NOX4: variants seen among roughly 807,000 people sequenced by gnomAD.
NOX4 encodes the protein NADPH oxidase 4.
NOX4 carries 69 observed loss-of-function variants against 87.6 expected under a neutral mutation model. That is an observed-to-expected ratio of 0.79 (90% CI 0.65 to 0.96). NOX4 has a LOEUF of 0.96. Among genes scored for constraint, NOX4 ranks in the 40% least tolerant of loss-of-function variants. The pLI is 0.00. For missense variants in NOX4, 680 were observed against 681.5 expected (o/e 1.00, Z 0.02); for synonymous variants, 275 against 238.2 (o/e 1.15, Z -1.42).
intron 12 of NOX4, among the ~76,000 whole-genome samples, chr11:89,369,650 G>C (rs1939287944): frequency 6.6e-6 from 1 of 152,014 alleles, no homozygotes; most frequent in Non-Finnish European, 1.5e-5. Flanking sequence ...AGTTGATAAT[G>C]AATATTTGTT....
the NOX4 span, among the ~76,000 whole-genome samples, chr11:89,544,763 A>G: frequency 2.0e-5 from 3 of 151,866 alleles, no homozygotes; most frequent in African/African-American, 7.3e-5. Flanking sequence ...TATGTCATAC[A>G]GCAAAAAAAA....
At chr11:89,578,883 C>T in the NOX4 span, among the ~76,000 whole-genome samples, 1 of 152,074 alleles carries the variant, frequency 6.6e-6, no homozygotes, top group African/African-American at 2.4e-5. Flanking sequence ...TTCCTGATTG[C>T]CAAGACTTAG....
chr11:89,331,690 G>C (rs1945478940), intron 17 of NOX4, among the ~76,000 whole-genome samples: 1 of 151,302 alleles, frequency 6.6e-6, no homozygotes, highest in Non-Finnish European at 1.5e-5. Context: ...TTTCCTAAAG[G>C]CCCTTGTTAA....
chr11:89,547,775 T>C, the NOX4 span, among the ~76,000 whole-genome samples: 1 of 152,120 alleles, frequency 6.6e-6, no homozygotes, highest in African/African-American at 2.4e-5. Flanking sequence ...ATAGGTATTG[T>C]TTAAAGCTTT....
chr11:89,424,391 G>A (rs1310960852), intron 7 of NOX4, among the ~76,000 whole-genome samples: 1 of 150,126 alleles, frequency 6.7e-6, no homozygotes, highest in Admixed American at 6.6e-5. Context: ...TCCAGAAAAA[G>A]TAGATATATC....
At chr11:89,409,827 G>T (rs2135220449) in intron 8 of NOX4, among the ~76,000 whole-genome samples, 1 of 152,154 alleles carries the variant, frequency 6.6e-6, no homozygotes, top group South Asian at 2.1e-4. Context: ...TGGAGGAGAA[G>T]AATTTGGATT....
intron 11 of NOX4, among the ~76,000 whole-genome samples, chr11:89,390,032 A>G (rs1443885652): frequency 6.6e-6 from 1 of 152,178 alleles, no homozygotes; most frequent in Non-Finnish European, 1.5e-5. Context: ...CTCACTGTTT[A>G]GTGGGAATCA....
chr11:89,455,485 C>G (rs1945151261), intron 2 of NOX4, among the ~76,000 whole-genome samples: 2 of 152,036 alleles, frequency 1.3e-5, no homozygotes, highest in Non-Finnish European at 2.9e-5. Flanking sequence ...TGGTAGTTTT[C>G]AGTAAATCTT....
At chr11:89,384,941 G>A (rs990001768) in intron 11 of NOX4, among the ~76,000 whole-genome samples, 5 of 151,860 alleles carry the variant, frequency 3.3e-5, no homozygotes, top group South Asian at 2.1e-4. Flanking sequence ...TCTTCCTCAC[G>A]CTGATCACAC....
chr11:89,335,089 A>C (rs1336878241), intron 17 of NOX4, among the ~76,000 whole-genome samples: 1 of 151,804 alleles, frequency 6.6e-6, no homozygotes, highest in Non-Finnish European at 1.5e-5. Context: ...TAGAAATCAC[A>C]TCTTTTACAA....
In NOX4 at chr11:89,336,011, T is replaced by A. The variant is rs1039960365; in HGVS notation, c.1516-66A>T. The A allele has an allele frequency of 3.0e-6, 3 of 992,574 alleles. No individual in the cohort carries two copies. The African/African-American group carries it at 5.0e-5, about 17-fold the overall frequency. The allele number at this position is 992,574 out of a possible 1,614,324, so 61.5% of individuals were successfully genotyped here. ...AGTAAACCAGTTCTCTAACATCATTTCTGCTGGTGCTGCGGCTTCCCACCA... is the reference window on the plus strand; with the variant it reads ...AGTAAACCAGTTCTCTAACATCATTACTGCTGGTGCTGCGGCTTCCCACCA... On this transcript the variant is annotated intron_variant, in intron 16 of 17. Transcript: ENST00000263317.
At chr11:89,383,482 G>A (rs547362938) in intron 11 of NOX4, among the ~76,000 whole-genome samples, 1 of 152,296 alleles carries the variant, frequency 6.6e-6, no homozygotes, top group South Asian at 2.1e-4. Flanking sequence ...CGCCTCTGAA[G>A]CCTCCTGGAC....
chr11:89,574,148 G>T, the NOX4 span, among the ~76,000 whole-genome samples: 1 of 152,120 alleles, frequency 6.6e-6, no homozygotes, highest in Non-Finnish European at 1.5e-5. Flanking sequence ...TGTGATAATT[G>T]TCAAACCATC....
chr11:89,486,007 C>T (rs1382449301), intron 2 of NOX4, among the ~76,000 whole-genome samples: 1 of 152,014 alleles, frequency 6.6e-6, no homozygotes, highest in Non-Finnish European at 1.5e-5. Context: ...ATGATGAGAA[C>T]CCCCAATAAA....
the NOX4 span, among the ~76,000 whole-genome samples, chr11:89,560,647 A>G: frequency 3.9e-5 from 6 of 151,982 alleles, no homozygotes; most frequent in Non-Finnish European, 8.8e-5. Context: ...CTGTGGACCC[A>G]GGTAGAACAA....
At chr11:89,566,278 T>C in the NOX4 span, among the ~76,000 whole-genome samples, 1 of 152,038 alleles carries the variant, frequency 6.6e-6, no homozygotes, top group African/African-American at 2.4e-5. Context: ...CTCCTGACCT[T>C]GTGCTCCCCG....
rs186139063 is a variant in NOX4, at chr11:89,413,959, T to G, written c.629+7943A>C. ...AGTTTTTTAAATGGAGAACATTACA[T>G]AGACAACAATAAAAATATATGTGTA... is the stretch of plus-strand genomic sequence containing the variant. On this transcript the variant is annotated intron_variant, in intron 8 of 17. Coordinates refer to ENST00000263317, the MANE Select transcript of NOX4 (RefSeq NM_016931.5). 8.3e-3 allele frequency among the ~76,000 whole-genome samples: 1,261 copies of G among 152,150 alleles called. 16 individuals are homozygous for G. The highest frequency in any genetic ancestry group is 0.029 in the African/African-American group (1,190 of 41,540).
the NOX4 span, among the ~76,000 whole-genome samples, chr11:89,511,153 C>T: frequency 1.3e-5 from 2 of 151,794 alleles, no homozygotes; most frequent in Non-Finnish European, 2.9e-5. Context: ...TTATGGAGTA[C>T]AATGTGATGT....
chr11:89,344,683 A>G (rs1565180425), intron 13 of NOX4, among the ~76,000 whole-genome samples: 1 of 152,164 alleles, frequency 6.6e-6, no homozygotes, highest in Admixed American at 6.6e-5. Flanking sequence ...GTATACCTTC[A>G]CTGTTAATCC....
Sources: gnomAD v4.1 joint callset for allele counts (sites outside exome capture counted in the v4.1 genomes callset) on GRCh38, gnomAD v4.1.1 for gene constraint, MANE v1.5 for transcripts, NCBI Gene and HGNC (gene_info 2026-07-23, HGNC 2026-07-21) for gene names.